The following BCR variants were observed in gnomAD, a reference collection of about 807,000 sequenced individuals.
The protein encoded by BCR is breakpoint cluster region protein.
In BCR, 58 loss-of-function variants were observed where a neutral mutation model predicts 138.6. The ratio of observed to expected loss-of-function variants is 0.42; its 90% CI spans 0.34 to 0.52. The LOEUF is 0.52. Ranked by LOEUF, BCR falls within the 20% of genes least tolerant of loss-of-function variation. BCR has a pLI of 0.06. For missense variants in BCR, 1,599 were observed against 1,727.2 expected (o/e 0.93, Z 1.32); for synonymous variants, 786 against 730.1 (o/e 1.08, Z -1.23).
chr22:23,190,963 C>T (rs8143110), intron 1 of BCR, among the ~76,000 whole-genome samples: 4,609 of 151,964 alleles, frequency 0.03, 247 homozygotes, highest in African/African-American at 0.11. Flanking sequence ...TAAAGGGTCT[C>T]GCTCTGTTGC....
intron 1 of BCR, among the ~76,000 whole-genome samples, chr22:23,200,501 G>C (rs182153072): frequency 7.9e-5 from 12 of 151,942 alleles, no homozygotes; most frequent in African/African-American, 2.9e-4. Context: ...ATTTTTTGTA[G>C]AGACAAGGTT....
rs191624417 is a variant in BCR at position 23,299,500 on chromosome 22, C to T, written c.3012+4345C>T. ...CGTGGCCTTACCTGACCATACCTCC[C>T]CCAACTCCCATCACGTCCCCCGTGA... On this transcript the variant is annotated intron_variant, in intron 16 of 22. Coordinates refer to ENST00000305877, the MANE Select transcript of BCR (RefSeq NM_004327.4). Among the ~76,000 whole-genome samples the T allele has an allele frequency of 2.0e-3, 304 of 152,224 alleles. 3 individuals carry two copies. The highest frequency in any genetic ancestry group is 7.1e-3 in the African/African-American group (296 of 41,528).
chr22:23,189,397 G>T (rs987186648), intron 1 of BCR, among the ~76,000 whole-genome samples: 2 of 152,100 alleles, frequency 1.3e-5, no homozygotes, highest in Non-Finnish European at 2.9e-5. Flanking sequence ...TAGATGCCTC[G>T]TGTAAGTGGA....
chr22:23,309,314 G>T (rs553433540), intron 16 of BCR, 110 bp from the exon 17 acceptor site: 18 of 964,896 alleles, frequency 1.9e-5, no homozygotes, highest in Non-Finnish European at 2.6e-5. Flanking sequence ...GGCCGCAGTC[G>T]GGCTCTGCCT....
chr22:23,289,452 T>C (rs11090228), intron 12 of BCR, 65 bp from the exon 13 acceptor site: 399,634 of 1,380,498 alleles, frequency 0.29, 62,018 homozygotes, highest in African/African-American at 0.52. Context: ...GGAGGTCCAG[T>C]GGGAGGGGCC....
intron 5 of BCR, among the ~76,000 whole-genome samples, chr22:23,270,166 T>G (rs1045510888): frequency 1.3e-5 from 2 of 152,094 alleles, no homozygotes; most frequent in Non-Finnish European, 2.9e-5. Flanking sequence ...GGGTCAGTGC[T>G]CAGGCGTGGG....
chr22:23,263,300 G>T, intron 4 of BCR: 1 of 1,150,952 alleles, frequency 8.7e-7, no homozygotes, highest in Non-Finnish European at 1.3e-6. Flanking sequence ...TGTACCGCTG[G>T]CTGTGGCACT....
At chr22:23,194,132 G>A (rs773704296) in intron 1 of BCR, among the ~76,000 whole-genome samples, 1 of 152,234 alleles carries the variant, frequency 6.6e-6, no homozygotes, top group Non-Finnish European at 1.5e-5. Context: ...CTGTGGGGGT[G>A]TGCAGAAGCA....
At chr22:23,231,548 T>TAAAATAAAATAAAATAAATA (rs148906561) in intron 1 of BCR, among the ~76,000 whole-genome samples, 2 of 137,758 alleles carry the variant, frequency 1.5e-5, no homozygotes, top group Admixed American at 7.1e-5. Context: ...TAAAATAAAA[T>TAAAATAAAATAAAATAAATA]AAATAAAATA....
intron 20 of BCR, among the ~76,000 whole-genome samples, chr22:23,313,542 C>T (rs1431015455): frequency 1.3e-5 from 2 of 152,310 alleles, no homozygotes; most frequent in Non-Finnish European, 2.9e-5. Context: ...GTGTCCAGGA[C>T]GACGAGGGGG....
At chr22:23,221,284 A>G (rs2072821693) in intron 1 of BCR, among the ~76,000 whole-genome samples, 2 of 152,136 alleles carry the variant, frequency 1.3e-5, no homozygotes, top group Admixed American at 1.3e-4. Context: ...CTCCCTAGGG[A>G]GAGTGGAGTC....
At chr22:23,242,181 A>T (rs963658154) in intron 1 of BCR, among the ~76,000 whole-genome samples, 1 of 152,222 alleles carries the variant, frequency 6.6e-6, no homozygotes, top group Non-Finnish European at 1.5e-5. Context: ...TTCGATAAAG[A>T]ACAATAAGTT....
At chr22:23,242,920 C>T (rs1425057123) in intron 1 of BCR, 1 of 455,592 alleles carries the variant, frequency 2.2e-6, no homozygotes, top group South Asian at 1.6e-5. Context: ...TCTGATGGCC[C>T]ACGGCATTCC....
chr22:23,216,259 A>G (rs2072750671), intron 1 of BCR, among the ~76,000 whole-genome samples: 1 of 152,188 alleles, frequency 6.6e-6, no homozygotes, highest in Non-Finnish European at 1.5e-5. Flanking sequence ...GATGTCTTTC[A>G]CTTTGAATTC....
chr22:23,282,433 C>G (rs756774428), intron 8 of BCR, among the ~76,000 whole-genome samples: 1 of 152,220 alleles, frequency 6.6e-6, no homozygotes, highest in Non-Finnish European at 1.5e-5. Flanking sequence ...CATTGGTTCC[C>G]CTTCGCAAGA....
In BCR at chr22:23,307,274, A is replaced by T. The variant is rs1472513192; in HGVS notation, c.3013-2150A>T. 9.3e-5 allele frequency among the ~76,000 whole-genome samples: 14 copies of T among 150,420 alleles called. 1 individual carries two copies. The highest frequency in any genetic ancestry group is 3.3e-4 in the Admixed American group (5 of 15,070). On this transcript the variant is annotated intron_variant, in intron 16 of 22. Transcript: ENST00000305877. ...CCATGCTTGGCTAATGCTTTTGAAAATTTTTTTTTTATAGAGACAGGGTCT... is the reference window on the plus strand; with the variant it reads ...CCATGCTTGGCTAATGCTTTTGAAATTTTTTTTTTTATAGAGACAGGGTCT...
intron 1 of BCR, among the ~76,000 whole-genome samples, chr22:23,204,841 G>A (rs930370601): frequency 4.6e-5 from 7 of 152,212 alleles, no homozygotes; most frequent in South Asian, 2.1e-4. Context: ...CTGCCAGGGC[G>A]GAGGTGATGA....
At chr22:23,242,304 A>T (rs1053775045) in intron 1 of BCR, among the ~76,000 whole-genome samples, 2 of 152,208 alleles carry the variant, frequency 1.3e-5, no homozygotes, top group Admixed American at 6.5e-5. Context: ...ACTTTGTTAA[A>T]GCATATTTAT....
chr22:23,181,061 A>T lies in BCR; in HGVS notation c.101A>T (p.Glu34Val). 7 of 1,523,922 alleles carry T rather than the reference A, an allele frequency of 4.6e-6. No individual in the cohort carries two copies. The highest frequency in any genetic ancestry group is 6.2e-6 in the Non-Finnish European group (7 of 1,130,854). 94.4% of individuals were successfully genotyped at this position (1,523,922 alleles called of 1,614,324 possible). The change falls in exon 1 of 23, where the codon GAG becomes GTG. Residue 34 changes from glutamate to valine, a missense_variant. Glu to Val is a moderately radical substitution (Grantham distance 121, BLOSUM62 -2). Coordinates refer to ENST00000305877, the MANE Select transcript of BCR (RefSeq NM_004327.4). ...CGCTCAGTGGGCGACATCGAGCAGG[A>T]GCTGGAGCGCTGCAAGGCCTCCATT... is the stretch of plus-strand genomic sequence containing the variant. ...ELRSVGDIEQ[E>V]LERCKASIRR...
Sources: gnomAD v4.1 joint callset for allele counts (sites outside exome capture counted in the v4.1 genomes callset) on GRCh38, gnomAD v4.1.1 for gene constraint, MANE v1.5 for transcripts, NCBI Gene and HGNC (gene_info 2026-07-23, HGNC 2026-07-21) for gene names.